The following FOXP1 variants were observed in gnomAD, a reference collection of about 807,000 sequenced individuals.
FOXP1 encodes forkhead box P1.
In FOXP1, 15 loss-of-function variants were observed where a neutral mutation model predicts 98.2. That is an observed-to-expected ratio of 0.15 (90% CI 0.10 to 0.24). FOXP1 has a LOEUF of 0.24. Ranked by LOEUF, FOXP1 falls within the 10% of genes least tolerant of loss-of-function variation. The pLI is 1.00. For synonymous variants in FOXP1, 371 were observed against 314.5 expected, an observed-to-expected ratio of 1.18 and a Z score of -1.90; for missense variants, 633 against 848.5, an observed-to-expected ratio of 0.75 and a Z score of 3.15.
chr3:71,400,941 G>A (rs756748345), intron 3 of FOXP1, among the ~76,000 whole-genome samples: 4 of 152,086 alleles, frequency 2.6e-5, no homozygotes, highest in South Asian at 2.1e-4. Context: ...GGAAGTCTAC[G>A]TCTCATAAAA....
At chr3:71,090,166 C>T (rs952446253) in intron 7 of FOXP1, among the ~76,000 whole-genome samples, 1 of 152,200 alleles carries the variant, frequency 6.6e-6, no homozygotes, top group Admixed American at 6.5e-5. Context: ...GGAATCAATT[C>T]CTTACTTTCT....
chr3:71,221,517 CTTTCCTTCTGAAA>C (rs1270271821), intron 5 of FOXP1, among the ~76,000 whole-genome samples: 1 of 152,216 alleles, frequency 6.6e-6, no homozygotes, highest in Admixed American at 6.5e-5. Flanking sequence ...GCCCTCCCTT[CTTTCCTTCTGAAA>C]ATAAGAGGCT....
Position 70,958,586 on chromosome 3 carries a change from C to A in FOXP1, c.*661G>T. 1 of 236,152 alleles carries A rather than the reference C, an allele frequency of 4.2e-6. No homozygotes were observed. The highest frequency in any genetic ancestry group is 2.3e-5 in the African/African-American group (1 of 43,608). The allele number at this position is 236,152 out of a possible 1,614,324, so 14.6% of individuals were successfully genotyped here. ...TTTAAGCCTCCAAGAGGCCATCGGC[C>A]CAAATGGAGGCCTGAGGTCAGAACT... On this transcript the variant is annotated 3_prime_UTR_variant, in exon 21 of 21. Transcript: ENST00000649528.
intron 5 of FOXP1, among the ~76,000 whole-genome samples, chr3:71,297,837 C>T (rs1013476686): frequency 1.4e-5 from 2 of 141,174 alleles, no homozygotes; most frequent in African/African-American, 5.2e-5. Flanking sequence ...GAACTCCTGA[C>T]CTCAGGTGAT....
At chr3:71,275,462 C>A (rs1039969143) in intron 5 of FOXP1, among the ~76,000 whole-genome samples, 1 of 152,204 alleles carries the variant, frequency 6.6e-6, no homozygotes, top group African/African-American at 2.4e-5. Context: ...AGTCAACAAC[C>A]CTAAGAGCTG....
intron 3 of FOXP1, among the ~76,000 whole-genome samples, chr3:71,417,821 C>T (rs181528595): frequency 1.2e-3 from 180 of 152,208 alleles, no homozygotes; most frequent in South Asian, 4.2e-3. Flanking sequence ...CTCAACCCAA[C>T]GAGCATTTGG....
intron 2 of FOXP1, among the ~76,000 whole-genome samples, chr3:71,526,113 T>C (rs959847083): frequency 1.4e-5 from 2 of 146,452 alleles, no homozygotes; most frequent in African/African-American, 2.6e-5. Flanking sequence ...AGAGGGAGAC[T>C]CTGTCTCTAA....
At chr3:70,989,903 A>C (rs902248266) in intron 13 of FOXP1, among the ~76,000 whole-genome samples, 1 of 152,210 alleles carries the variant, frequency 6.6e-6, no homozygotes. Context: ...CATCTTCTCC[A>C]TATTTCCATC....
intron 5 of FOXP1, among the ~76,000 whole-genome samples, chr3:71,276,709 G>A (rs1027294718): frequency 6.6e-5 from 10 of 152,096 alleles, no homozygotes; most frequent in East Asian, 1.9e-4. Flanking sequence ...ACGTAAGAGC[G>A]ATGGGCACAT....
chr3:71,272,781 G>A (rs1464047274), intron 5 of FOXP1, among the ~76,000 whole-genome samples: 5 of 151,996 alleles, frequency 3.3e-5, no homozygotes, highest in African/African-American at 1.2e-4. Context: ...ACCTGACTTT[G>A]GTCATTTTTT....
chr3:70,976,983 T>A lies in FOXP1; in HGVS notation c.1488A>T (p.Thr496=). The part of the protein sequence containing the change: ...LTLNEIYNWF[T]RMFAYFRRNA... ...TGCGTCGGAAGTAAGCAAACATTCGTGTGAACCAGTTATAGATCTCATTTA... is the reference window on the plus strand; with the variant it reads ...TGCGTCGGAAGTAAGCAAACATTCGAGTGAACCAGTTATAGATCTCATTTA... The change falls in exon 17 of 21, where the codon ACA becomes ACT. Residue 496 remains threonine (T), a synonymous_variant. Coordinates refer to ENST00000649528, the MANE Select transcript of FOXP1 (RefSeq NM_001349338.3). 5 of 1,614,206 alleles carry A rather than the reference T, an allele frequency of 3.1e-6. No homozygotes were observed. In the South Asian group the frequency reaches 5.5e-5, roughly 18 times the overall value.
At chr3:71,100,121 A>AGCACTTCTCCCATCTCCAGTGCCCATG (rs2056828526) in intron 7 of FOXP1, among the ~76,000 whole-genome samples, 1 of 152,218 alleles carries the variant, frequency 6.6e-6, no homozygotes, top group African/African-American at 2.4e-5. Flanking sequence ...AGGTGCACAT[A>AGCACTTCTCCCATCTCCAGTGCCCATG]GCACTTCTCC....
At chr3:71,164,480 T>A (rs1207012312) in intron 6 of FOXP1, among the ~76,000 whole-genome samples, 2 of 152,172 alleles carry the variant, frequency 1.3e-5, no homozygotes, top group African/African-American at 4.8e-5. Context: ...ATTATAGGCG[T>A]GAGGCACAGC....
At chr3:71,265,281 A>G (rs1315465331) in intron 5 of FOXP1, among the ~76,000 whole-genome samples, 1 of 152,184 alleles carries the variant, frequency 6.6e-6, no homozygotes, top group Non-Finnish European at 1.5e-5. Context: ...AACTGACTTG[A>G]AGAGAAATCA....
chr3:71,441,602 G>A (rs1181222352), intron 3 of FOXP1, among the ~76,000 whole-genome samples: 1 of 152,232 alleles, frequency 6.6e-6, no homozygotes, highest in Non-Finnish European at 1.5e-5. Context: ...ACCATTTGGA[G>A]AGGTTGAGGA....
At chr3:70,964,545 C>A (rs1237317929) in intron 20 of FOXP1, among the ~76,000 whole-genome samples, 1 of 152,166 alleles carries the variant, frequency 6.6e-6, no homozygotes, top group Non-Finnish European at 1.5e-5. Context: ...TTTACGTTTG[C>A]TCTGAACTTC....
chr3:71,403,556 T>A (rs960170690), intron 3 of FOXP1, among the ~76,000 whole-genome samples: 1 of 152,244 alleles, frequency 6.6e-6, no homozygotes, highest in African/African-American at 2.4e-5. Context: ...CTGTTAAGAA[T>A]AAAGGAGCTG....
At chr3:71,457,126 A>G (rs2087583529) in intron 3 of FOXP1, among the ~76,000 whole-genome samples, 2 of 152,194 alleles carry the variant, frequency 1.3e-5, no homozygotes, top group Admixed American at 1.3e-4. Flanking sequence ...ACTTAAAAAA[A>G]AAAAGCATCT....
chr3:71,175,007 G>C (rs933007465), intron 6 of FOXP1, among the ~76,000 whole-genome samples: 6 of 151,802 alleles, frequency 4.0e-5, no homozygotes, highest in African/African-American at 1.2e-4. Context: ...TCCGCCCCCG[G>C]GTTCAAGCCA....
Sources: gnomAD v4.1 joint callset for allele counts (sites outside exome capture counted in the v4.1 genomes callset) on GRCh38, gnomAD v4.1.1 for gene constraint, MANE v1.5 for transcripts, NCBI Gene and HGNC (gene_info 2026-07-23, HGNC 2026-07-21) for gene names.